RNF14: variants seen among roughly 807,000 people sequenced by gnomAD.
The protein encoded by RNF14 is E3 ubiquitin-protein ligase RNF14.
In RNF14, 26 loss-of-function variants were observed where a neutral mutation model predicts 52.6. The ratio of observed to expected loss-of-function variants is 0.49; its 90% CI spans 0.36 to 0.69. The LOEUF (loss-of-function observed/expected upper bound fraction) is 0.69, where lower values mean the gene tolerates loss of function less well. Among genes scored for constraint, RNF14 ranks in the 30% least tolerant of loss-of-function variants. RNF14 has a pLI of 0.00. For missense variants in RNF14, 404 were observed against 560.4 expected (o/e 0.72, Z 2.82); for synonymous variants, 194 against 202.0 (o/e 0.96, Z 0.34).
upstream of RNF14, chr5:141,957,688 C>T (rs199944866): frequency 6.2e-5 from 100 of 1,614,074 alleles, no homozygotes; most frequent in African/African-American, 1.5e-4. The surrounding 1 kb of genome is among the most constrained non-coding windows in gnomAD (Gnocchi z 4.3). Flanking sequence ...CCTCTCCTCC[C>T]GGCCCAGTTC....
intron 2 of RNF14, among the ~76,000 whole-genome samples, 189 bp from the exon 3 acceptor site, chr5:141,973,394 C>G (rs558513087): frequency 2.6e-5 from 4 of 152,074 alleles, no homozygotes; most frequent in African/African-American, 9.7e-5. Context: ...CCTGCCACCA[C>G]GCCTGGCTAA....
the RNF14 span, chr5:141,951,377 C>T: frequency 3.9e-6 from 3 of 764,426 alleles, no homozygotes; most frequent in South Asian, 1.5e-5. Context: ...CTGCTGCACC[C>T]TCCCAGGGGA....
intron 8 of RNF14, among the ~76,000 whole-genome samples, chr5:141,985,231 T>C (rs1255379490): frequency 6.6e-6 from 1 of 152,230 alleles, no homozygotes; most frequent in Admixed American, 6.5e-5. Context: ...TTTGCCATAT[T>C]TGTTCCCTTA....
intron 2 of RNF14, 37 bp downstream of exon 2, chr5:141,970,914 C>T (rs1295539711): frequency 1.3e-5 from 2 of 152,244 alleles, no homozygotes; most frequent in Admixed American, 1.3e-4. Context: ...GTAATTGTGT[C>T]TTAGATAGGG....
intron 2 of RNF14, among the ~76,000 whole-genome samples, chr5:141,972,685 C>A (rs866266358): frequency 6.6e-6 from 1 of 151,960 alleles, no homozygotes; most frequent in African/African-American, 2.4e-5. Context: ...CTGCCTCCCA[C>A]GTTCAAGCAG....
upstream of RNF14, chr5:141,955,523 G>A (rs765831804): frequency 6.2e-7 from 1 of 1,614,200 alleles, no homozygotes; most frequent in Non-Finnish European, 8.5e-7. The surrounding 1 kb of genome is among the most constrained non-coding windows in gnomAD (Gnocchi z 5.5). Flanking sequence ...ACAGGCACGA[G>A]GTGGATGTCT....
chr5:141,966,525 G>A (rs1251400469), upstream of RNF14, among the ~76,000 whole-genome samples: 1 of 152,068 alleles, frequency 6.6e-6, no homozygotes, highest in Non-Finnish European at 1.5e-5. Flanking sequence ...GAGAATGTAC[G>A]TGAAATATTT....
At chr5:141,955,861 C>T (rs993035116), upstream of RNF14, 1 of 1,614,066 alleles carries the variant, frequency 6.2e-7, no homozygotes, top group Admixed American at 1.7e-5. This position sits in a 1 kb window ranked among gnomAD's most constrained non-coding sequence, Gnocchi z 5.5. Flanking sequence ...AATGAGGCTG[C>T]TGGCATTGGT....
upstream of RNF14, chr5:141,958,005 C>G: frequency 4.8e-6 from 4 of 835,664 alleles, no homozygotes; most frequent in Non-Finnish European, 7.3e-6. Flanking sequence ...GATTATGAAA[C>G]AAGCAGGACC....
At chr5:141,963,000 A>G (rs1280877247), upstream of RNF14, 1 of 152,226 alleles carries the variant, frequency 6.6e-6, no homozygotes, top group Non-Finnish European at 1.5e-5. Flanking sequence ...CAAACTCTAT[A>G]GCGATCAGGC....
intron 2 of RNF14, among the ~76,000 whole-genome samples, chr5:141,971,426 A>C (rs1391480511): frequency 6.6e-6 from 1 of 152,022 alleles, no homozygotes; most frequent in East Asian, 1.9e-4. Context: ...TAGAGACAGG[A>C]TCTTGCTATG....
At chr5:141,962,839 A>G (rs193247159), upstream of RNF14, among the ~76,000 whole-genome samples, 409 of 152,254 alleles carry the variant, frequency 2.7e-3, 1 homozygote, top group African/African-American at 9.1e-3. Flanking sequence ...TTTCTCCCCA[A>G]CCTTCGAGAG....
upstream of RNF14, among the ~76,000 whole-genome samples, chr5:141,964,556 A>G (rs998742087): frequency 3.9e-5 from 6 of 152,184 alleles, no homozygotes; most frequent in Non-Finnish European, 8.8e-5. Context: ...CGTTATTTAT[A>G]ATTGTGCTTC....
chr5:141,950,109 C>T, the RNF14 span, among the ~76,000 whole-genome samples: 1 of 152,194 alleles, frequency 6.6e-6, no homozygotes, highest in Non-Finnish European at 1.5e-5. Flanking sequence ...AACATTCCTT[C>T]CTCCCTACTT....
upstream of RNF14, chr5:141,955,936 C>G: frequency 6.2e-7 from 1 of 1,614,156 alleles, no homozygotes; most frequent in Non-Finnish European, 8.5e-7. The surrounding 1 kb of genome is among the most constrained non-coding windows in gnomAD (Gnocchi z 5.5). Context: ...ATTTCCACTG[C>G]GGATGCTGTA....
At chr5:141,966,031 G>A (rs914777785), upstream of RNF14, among the ~76,000 whole-genome samples, 1 of 150,796 alleles carries the variant, frequency 6.6e-6, no homozygotes, top group East Asian at 1.9e-4. Flanking sequence ...CTGTAGTCGC[G>A]GCACTTTGGG....
chr5:141,971,565 TTCTTTCTTTC>T (rs770488818), intron 2 of RNF14, among the ~76,000 whole-genome samples: 47 of 3,264 alleles, frequency 0.014, no homozygotes, highest in African/African-American at 0.016. Flanking sequence ...TAATTTCTTT[TTCTTTCTTTC>T]TTTCTTTCTT....
chr5:141,973,448 G>A (rs969349154), intron 2 of RNF14, 135 bp from the exon 3 acceptor site: 1 of 536,342 alleles, frequency 1.9e-6, no homozygotes, highest in African/African-American at 2.0e-5. Flanking sequence ...ATGTTGGCCA[G>A]GCTAGTCTTG....
intron 6 of RNF14, among the ~76,000 whole-genome samples, chr5:141,983,102 G>A (rs1474138883): frequency 2.0e-5 from 3 of 152,096 alleles, no homozygotes; most frequent in Non-Finnish European, 4.4e-5. Flanking sequence ...TGGATTCTGT[G>A]ATGAGTGTTT....
Sources: allele counts gnomAD v4.1 joint callset (sites outside exome capture counted in the v4.1 genomes callset), GRCh38; gene constraint gnomAD v4.1.1; non-coding constraint Gnocchi (gnomAD v3.1); transcripts MANE v1.5; gene names NCBI Gene and HGNC (gene_info 2026-07-23, HGNC 2026-07-21).